Variants in PALM2AKAP2 observed in about 807,000 individuals in gnomAD.
PALM2AKAP2 encodes PALM2-AKAP2 fusion protein.
Under a neutral mutation model 71.5 loss-of-function variants are expected in PALM2AKAP2, and 37 were observed. The ratio of observed to expected loss-of-function variants is 0.52; its 90% CI spans 0.40 to 0.68. The LOEUF is 0.68. PALM2AKAP2 is among the 30% of genes least tolerant of loss of function. The pLI is 0.00. For synonymous variants in PALM2AKAP2, 468 were observed against 478.8 expected (o/e 0.98, Z 0.29); for missense variants, 1,224 against 1,191.8 (o/e 1.03, Z -0.40).
At chr9:109,935,390 C>T (rs185316214) in intron 6 of PALM2AKAP2, among the ~76,000 whole-genome samples, 9 of 152,324 alleles carry the variant, frequency 5.9e-5, no homozygotes, top group Non-Finnish European at 7.3e-5. Context: ...CCTAAATTGA[C>T]ATCTTTGGGG....
intron 1 of PALM2AKAP2, among the ~76,000 whole-genome samples, chr9:109,718,554 CT>C (rs201379073): frequency 2.0e-5 from 3 of 151,224 alleles, no homozygotes; most frequent in Admixed American, 6.6e-5. Context: ...TGTCTAACTT[CT>C]TTTTTTTTAA....
intron 7 of PALM2AKAP2, 138 bp downstream of exon 7, chr9:110,016,177 G>A: frequency 2.5e-6 from 2 of 815,774 alleles, no homozygotes; most frequent in South Asian, 1.6e-5. Context: ...GAGGTCTTAG[G>A]GAGGCAACCG....
intron 3 of PALM2AKAP2, among the ~76,000 whole-genome samples, chr9:109,890,540 A>G (rs1830064614): frequency 6.6e-6 from 1 of 152,218 alleles, no homozygotes; most frequent in African/African-American, 2.4e-5. Flanking sequence ...CCTAAAAGCA[A>G]CTTCCGACAT....
chr9:110,042,627 C>T (rs904438422), intron 7 of PALM2AKAP2, among the ~76,000 whole-genome samples: 1 of 152,028 alleles, frequency 6.6e-6, no homozygotes, highest in African/African-American at 2.4e-5. Context: ...ACTAAATATC[C>T]CATGTCCTCC....
intron 1 of PALM2AKAP2, among the ~76,000 whole-genome samples, chr9:110,124,436 C>T (rs1835552945): frequency 6.6e-6 from 1 of 152,224 alleles, no homozygotes; most frequent in African/African-American, 2.4e-5. Flanking sequence ...CTTCATGGTA[C>T]TGAACTGACC....
chr9:109,990,214 G>A (rs745843577), intron 6 of PALM2AKAP2, among the ~76,000 whole-genome samples: 2 of 151,888 alleles, frequency 1.3e-5, no homozygotes, highest in Non-Finnish European at 1.5e-5. Flanking sequence ...TGGGGTTATA[G>A]AGCCCAGCTA....
chr9:109,894,357 C>T (rs1301367712), intron 3 of PALM2AKAP2, among the ~76,000 whole-genome samples: 2 of 152,086 alleles, frequency 1.3e-5, no homozygotes, highest in Non-Finnish European at 2.9e-5. Context: ...AACAAACAAA[C>T]AAAAATGCAT....
chr9:109,921,686 G>A (rs1176266199), intron 3 of PALM2AKAP2, among the ~76,000 whole-genome samples: 1 of 152,188 alleles, frequency 6.6e-6, no homozygotes, highest in Non-Finnish European at 1.5e-5. Flanking sequence ...TTTCCTAGAG[G>A]AGGAAAAGAC....
rs116201354 is a variant in PALM2AKAP2, at chr9:109,876,790, C to T, written c.127-3761C>T. Among the ~76,000 whole-genome samples, 1,016 of 152,278 alleles carry T rather than the reference C, an allele frequency of 6.7e-3. 11 individuals carry two copies. Among genetic ancestry groups the T allele is most frequent in the African/African-American group, 0.023 (961 of 41,546 alleles). ...CCACCACACCCAGCCCCACTACTGCCTTTGTCTGTTGGAGCCTCTCTTCCT... is the reference window on the plus strand; with the variant it reads ...CCACCACACCCAGCCCCACTACTGCTTTTGTCTGTTGGAGCCTCTCTTCCT... On this transcript the variant is annotated intron_variant, in intron 2 of 9. Coordinates refer to the PALM2AKAP2 transcript ENST00000302798.
At chr9:110,046,448 T>A (rs1227688938), upstream of PALM2AKAP2, among the ~76,000 whole-genome samples, 1 of 151,028 alleles carries the variant, frequency 6.6e-6, no homozygotes, top group East Asian at 1.9e-4. Context: ...AGAATAAAGT[T>A]GGTATGATTG....
intron 1 of PALM2AKAP2, among the ~76,000 whole-genome samples, chr9:110,049,371 GAGGGCCGGGCCC>G (rs1833664845): frequency 6.6e-6 from 1 of 152,146 alleles, no homozygotes; most frequent in African/African-American, 2.4e-5. Flanking sequence ...TGAAGTCAGG[GAGGGCCGGGCCC>G]CGGCCCCGGT....
intron 1 of PALM2AKAP2, among the ~76,000 whole-genome samples, chr9:109,730,314 C>T (rs1828536266): frequency 6.6e-6 from 1 of 152,154 alleles, no homozygotes; most frequent in African/African-American, 2.4e-5. Flanking sequence ...AAATGTCTTG[C>T]TGTGAATATT....
At chr9:110,076,652 T>A (rs1834331518) in intron 1 of PALM2AKAP2, among the ~76,000 whole-genome samples, 1 of 151,930 alleles carries the variant, frequency 6.6e-6, no homozygotes, top group Non-Finnish European at 1.5e-5. Flanking sequence ...TATGTTATTA[T>A]TTTTCAGTTA....
chr9:109,729,399 T>C (rs1018266541), intron 1 of PALM2AKAP2, among the ~76,000 whole-genome samples: 3 of 152,206 alleles, frequency 2.0e-5, no homozygotes, highest in Non-Finnish European at 4.4e-5. Context: ...CTGGCCAGTA[T>C]AGCCAAAGGC....
At position 110,003,787 on chromosome 9, in the gene PALM2AKAP2, C is replaced by T. The variant is rs188257035; in HGVS notation, c.497-12167C>T. 2.1e-3 allele frequency among the ~76,000 whole-genome samples: 315 copies of T among 152,216 alleles called. 1 individual carries two copies. The highest frequency in any genetic ancestry group is 7.3e-3 in the African/African-American group (305 of 41,514). On this transcript the variant is annotated intron_variant, in intron 6 of 9. Coordinates refer to the PALM2AKAP2 transcript ENST00000302798. ...TGATCCCTTTACCATTATATAATGG[C>T]CTTCTTTGTCTCTTTTGATCTTTGT... is the stretch of plus-strand genomic sequence containing the variant.
chr9:109,827,878 A>C (rs2418052), intron 1 of PALM2AKAP2, among the ~76,000 whole-genome samples: 1 of 152,094 alleles, frequency 6.6e-6, no homozygotes, highest in East Asian at 1.9e-4. Flanking sequence ...ACAAAAGGGA[A>C]AAAAGGTCTC....
intron 1 of PALM2AKAP2, among the ~76,000 whole-genome samples, chr9:110,073,589 C>T (rs1311075826): frequency 6.6e-6 from 1 of 152,090 alleles, no homozygotes; most frequent in Non-Finnish European, 1.5e-5. Flanking sequence ...ATCTAGAGGG[C>T]AAGTCATATT....
At chr9:109,747,421 G>A (rs1217383317) in intron 1 of PALM2AKAP2, among the ~76,000 whole-genome samples, 1 of 152,122 alleles carries the variant, frequency 6.6e-6, no homozygotes, top group Non-Finnish European at 1.5e-5. Context: ...AATTTGCCTT[G>A]ACGTTCTTGG....
chr9:109,648,362 A>C (rs1827181038), intron 1 of PALM2AKAP2, among the ~76,000 whole-genome samples: 1 of 152,204 alleles, frequency 6.6e-6, no homozygotes, highest in Non-Finnish European at 1.5e-5. Flanking sequence ...CTCTTAATTC[A>C]TTCAATCGAC....
Sources: gnomAD v4.1 joint callset for allele counts (sites outside exome capture counted in the v4.1 genomes callset) on GRCh38, gnomAD v4.1.1 for gene constraint, MANE v1.5 for transcripts, NCBI Gene and HGNC (gene_info 2026-07-23, HGNC 2026-07-21) for gene names.